GALNT2: variants seen among roughly 807,000 people sequenced by gnomAD.
The protein encoded by GALNT2 is UDP-GalNAc:polypeptide N-acetylgalactosaminyltransferase 2.
GALNT2 carries 31 observed loss-of-function variants against 81.4 expected under a neutral mutation model. That is an observed-to-expected ratio of 0.38 (90% CI 0.29 to 0.51). The LOEUF (loss-of-function observed/expected upper bound fraction) is 0.51, where lower values mean the gene tolerates loss of function less well. GALNT2 is among the 20% of genes least tolerant of loss of function. The pLI is 0.87. For synonymous variants in GALNT2, 303 were observed against 287.4 expected (o/e 1.05, Z -0.55); for missense variants, 629 against 765.7 (o/e 0.82, Z 2.11).
intron 1 of GALNT2, among the ~76,000 whole-genome samples, chr1:230,081,496 T>C (rs1223507438): frequency 1.3e-5 from 2 of 152,210 alleles, no homozygotes; most frequent in Admixed American, 6.5e-5. Flanking sequence ...AGCGTGTTAA[T>C]TTGAAAACTT....
intron 1 of GALNT2, among the ~76,000 whole-genome samples, chr1:230,162,370 A>G (rs1328975196): frequency 1.3e-5 from 2 of 152,224 alleles, no homozygotes; most frequent in Non-Finnish European, 2.9e-5. Context: ...ACTAAGATGG[A>G]TGAATAATTT....
chr1:230,187,919 C>G (rs1308246390), intron 2 of GALNT2, among the ~76,000 whole-genome samples: 1 of 133,346 alleles, frequency 7.5e-6, no homozygotes, highest in Non-Finnish European at 1.6e-5. Context: ...CTGGTAGGGC[C>G]TGGGGTTTTT....
intron 14 of GALNT2, among the ~76,000 whole-genome samples, chr1:230,272,313 A>C (rs1422609580): frequency 2.1e-5 from 3 of 142,674 alleles, no homozygotes; most frequent in Non-Finnish European, 4.6e-5. Flanking sequence ...GGTGGCCGGC[A>C]GGGCTGGGTG....
intron 1 of GALNT2, among the ~76,000 whole-genome samples, chr1:230,159,668 A>C (rs1011219460): frequency 6.6e-6 from 1 of 152,208 alleles, no homozygotes; most frequent in Admixed American, 6.5e-5. Context: ...TGTGGTTCCC[A>C]CTGGGCAGGC....
intron 11 of GALNT2, chr1:230,258,547 C>T (rs1278122454): frequency 3.9e-5 from 6 of 152,134 alleles, no homozygotes; most frequent in Non-Finnish European, 4.4e-5. Flanking sequence ...CTTAAAAGTA[C>T]AGATTATACA....
At chr1:230,249,061 T>C (rs1390275147) in intron 8 of GALNT2, 123 bp from the exon 9 acceptor site, 1 of 970,434 alleles carries the variant, frequency 1.0e-6, no homozygotes, top group Non-Finnish European at 1.6e-6. Flanking sequence ...CTTTTTTGGC[T>C]TTGTTTTGGT....
intron 3 of GALNT2, among the ~76,000 whole-genome samples, chr1:230,205,837 G>A (rs990682049): frequency 8.5e-5 from 13 of 152,100 alleles, no homozygotes; most frequent in African/African-American, 2.9e-4. Context: ...CCCCACCCAC[G>A]TAATCCACAC....
chr1:230,209,461 C>A (rs1039721328), intron 3 of GALNT2, among the ~76,000 whole-genome samples: 1 of 152,158 alleles, frequency 6.6e-6, no homozygotes, highest in East Asian at 1.9e-4. Flanking sequence ...ACAGGGCCAC[C>A]TGCAAGCCAG....
intron 1 of GALNT2, among the ~76,000 whole-genome samples, chr1:230,091,326 G>T (rs2102766394): frequency 6.6e-6 from 1 of 151,910 alleles, no homozygotes; most frequent in East Asian, 1.9e-4. Flanking sequence ...CGGCCACCTT[G>T]GCCTCCCAAA....
chr1:230,119,291 CCTTA>C (rs1416162610), intron 1 of GALNT2, among the ~76,000 whole-genome samples: 3 of 152,150 alleles, frequency 2.0e-5, no homozygotes, highest in African/African-American at 7.2e-5. Context: ...CTGGGAATCG[CCTTA>C]CTGTTTTCCA....
At chr1:230,144,746 T>G (rs1264274556) in intron 1 of GALNT2, among the ~76,000 whole-genome samples, 1 of 152,172 alleles carries the variant, frequency 6.6e-6, no homozygotes, top group Non-Finnish European at 1.5e-5. Context: ...TAAGTACCAC[T>G]AACCTTGTGC....
At chr1:230,278,436 A>G (rs1469918692) in intron 15 of GALNT2, among the ~76,000 whole-genome samples, 1 of 152,104 alleles carries the variant, frequency 6.6e-6, no homozygotes, top group Non-Finnish European at 1.5e-5. Context: ...TGAAAGGGGT[A>G]TTTATGTTAC....
At chr1:230,228,603 G>A (rs1047731466) in intron 3 of GALNT2, among the ~76,000 whole-genome samples, 2 of 152,024 alleles carry the variant, frequency 1.3e-5, no homozygotes, top group Non-Finnish European at 2.9e-5. Flanking sequence ...ATATATGAAG[G>A]ATAGCATGGA....
intron 1 of GALNT2, among the ~76,000 whole-genome samples, chr1:230,134,491 C>T (rs1316210353): frequency 6.6e-6 from 1 of 152,118 alleles, no homozygotes; most frequent in African/African-American, 2.4e-5. Context: ...GTGAGACAAC[C>T]ATTTGTTATT....
chr1:230,266,532 G>A (rs1666041714), intron 14 of GALNT2, among the ~76,000 whole-genome samples: 1 of 152,250 alleles, frequency 6.6e-6, no homozygotes, highest in Admixed American at 6.5e-5. Flanking sequence ...ATGTGCTTTT[G>A]TGTAAAGCTG....
At chr1:230,094,798 T>C (rs952769746) in intron 1 of GALNT2, among the ~76,000 whole-genome samples, 1 of 152,120 alleles carries the variant, frequency 6.6e-6, no homozygotes, top group Non-Finnish European at 1.5e-5. Context: ...TTACCTTGAA[T>C]CTTCTTAGGT....
chr1:230,108,192 G>C (rs556437289), intron 1 of GALNT2, among the ~76,000 whole-genome samples: 6 of 152,204 alleles, frequency 3.9e-5, no homozygotes, highest in African/African-American at 7.2e-5. Context: ...TCCTGAAAGA[G>C]CACAGTCCTG....
intron 1 of GALNT2, among the ~76,000 whole-genome samples, chr1:230,158,558 A>G (rs1662332428): frequency 6.6e-6 from 1 of 152,246 alleles, no homozygotes; most frequent in Admixed American, 6.5e-5. Flanking sequence ...AGACTCTTCC[A>G]GGGAGCCTGG....
intron 1 of GALNT2, among the ~76,000 whole-genome samples, chr1:230,167,426 C>G (rs748302064): frequency 6.6e-6 from 1 of 152,164 alleles, no homozygotes; most frequent in South Asian, 2.1e-4. Context: ...GGATTACAGT[C>G]GTGAGCCACC....
Sources: gnomAD v4.1 joint callset for allele counts (sites outside exome capture counted in the v4.1 genomes callset) on GRCh38, gnomAD v4.1.1 for gene constraint, MANE v1.5 for transcripts, NCBI Gene and HGNC (gene_info 2026-07-23, HGNC 2026-07-21) for gene names.